Variants in NMNAT1 observed in about 807,000 individuals in gnomAD.
NMNAT1 encodes the protein nicotinamide nucleotide adenylyltransferase 1.
Under a neutral mutation model 16.7 loss-of-function variants are expected in NMNAT1, and 11 were observed. That is an observed-to-expected ratio of 0.66 (90% CI 0.41 to 1.09). The LOEUF is 1.09. NMNAT1 is among the 50% of genes least tolerant of loss of function. NMNAT1 has a pLI of 0.00. For missense variants in NMNAT1, 280 were observed against 332.3 expected, an observed-to-expected ratio of 0.84 and a Z score of 1.22; for synonymous variants, 110 against 119.8, an observed-to-expected ratio of 0.92 and a Z score of 0.53.
intron 1 of NMNAT1, among the ~76,000 whole-genome samples, chr1:9,965,751 C>G (rs1301888025): frequency 6.6e-6 from 1 of 151,738 alleles, no homozygotes; most frequent in Admixed American, 6.6e-5. Context: ...GCCTGTAATC[C>G]CTTTGAGAGG....
intron 1 of NMNAT1, among the ~76,000 whole-genome samples, 154 bp from the exon 2 acceptor site, chr1:9,971,864 A>G (rs1158800237): frequency 1.3e-5 from 2 of 151,970 alleles, no homozygotes; most frequent in Non-Finnish European, 2.9e-5. Flanking sequence ...CAGCTACTTG[A>G]GAGGCTGAGG....
intron 3 of NMNAT1, among the ~76,000 whole-genome samples, chr1:9,980,173 C>T (rs938347788): frequency 1.3e-5 from 2 of 151,858 alleles, no homozygotes; most frequent in Non-Finnish European, 2.9e-5. Flanking sequence ...CTCAGGTGAT[C>T]CACCCGCCTT....
In NMNAT1 at chr1:9,979,727, A is replaced by G. The variant is rs1261374720; in HGVS notation, c.300-1304A>G. Among the ~76,000 whole-genome samples the G allele has an allele frequency of 8.0e-5, 12 of 150,790 alleles. No homozygotes were observed. The South Asian group carries it at 1.7e-3, about 21-fold the overall frequency. ...TGAAGCAGGAGAATGGCGTGAACCT[A>G]GGAGACGGAGGTTGCAGTGAGCTGA... On this transcript the variant is annotated intron_variant, in intron 3 of 4. Coordinates refer to ENST00000377205, the MANE Select transcript of NMNAT1 (RefSeq NM_022787.4).
chr1:9,944,121 G>T (rs748388530), intron 1 of NMNAT1, among the ~76,000 whole-genome samples: 20 of 152,082 alleles, frequency 1.3e-4, no homozygotes, highest in Non-Finnish European at 2.5e-4. Flanking sequence ...GGGCGTGGTG[G>T]TGGGCGCCTG....
chr1:9,952,982 G>A (rs966173543), intron 1 of NMNAT1, among the ~76,000 whole-genome samples: 8 of 151,634 alleles, frequency 5.3e-5, no homozygotes, highest in African/African-American at 1.9e-4. Context: ...TAGATTGTAT[G>A]CATGTTTTTT....
At chr1:9,949,409 G>T (rs1328653444) in intron 1 of NMNAT1, among the ~76,000 whole-genome samples, 2 of 76,298 alleles carry the variant, frequency 2.6e-5, no homozygotes, top group Non-Finnish European at 7.3e-5. Context: ...ATCTTCCACT[G>T]CTTTTTTTTT....
At chr1:9,949,909 A>G (rs1570673998) in intron 1 of NMNAT1, 1 of 152,232 alleles carries the variant, frequency 6.6e-6, no homozygotes, top group Non-Finnish European at 1.5e-5. Context: ...CTCCCAGCTG[A>G]TGCCACTTAA....
chr1:9,992,151 C>T, the NMNAT1 span, among the ~76,000 whole-genome samples: 3 of 150,020 alleles, frequency 2.0e-5, no homozygotes, highest in Non-Finnish European at 4.4e-5. Context: ...GGTTCCATCA[C>T]GGCTGACTGC....
At position 9,981,065 on chromosome 1, in the gene NMNAT1, G is replaced by T; in HGVS notation, c.334G>T (p.Asp112Tyr). 1 of 1,612,548 alleles carries T rather than the reference G, an allele frequency of 6.2e-7. No homozygotes were observed. Among genetic ancestry groups the T allele is most frequent in the South Asian group, 1.1e-5 (1 of 90,766 alleles). The change falls in exon 4 of 5, where the codon GAT becomes TAT. Residue 112 changes from aspartate (D) to tyrosine (Y), a missense_variant. Transcript: ENST00000377205. ...HQEKLEASDC[D>Y]HQQNSPTLER... ...AGAGAAATTGGAGGCTAGTGACTGT[G>T]ATCACCAGCAGAACTCACCTACTCT... is the stretch of plus-strand genomic sequence containing the variant.
intron 1 of NMNAT1, chr1:9,955,716 C>T (rs1641242858): frequency 6.6e-6 from 1 of 152,034 alleles, no homozygotes; most frequent in Non-Finnish European, 1.5e-5. Context: ...CTATGAGTTC[C>T]TGAAGAGCAG....
At chr1:9,949,134 G>C (rs1641048071) in intron 1 of NMNAT1, among the ~76,000 whole-genome samples, 1 of 151,264 alleles carries the variant, frequency 6.6e-6, no homozygotes, top group South Asian at 2.1e-4. Context: ...GCCGGGCATG[G>C]TGGCAGGCAC....
chr1:9,975,506 A>G, intron 2 of NMNAT1, 86 bp from the exon 3 acceptor site: 2 of 1,174,700 alleles, frequency 1.7e-6, no homozygotes, highest in Non-Finnish European at 2.4e-6. Context: ...AAAAAACAAA[A>G]CAAAACAAAT....
rs755010846 is a variant in NMNAT1, at chr1:9,981,019, G to C, written c.300-12G>C. ...AGAAAGAGAAATATTCTATTGTTTTGTTGTTTTATAGACACCATCAAGAGA... is the reference window on the plus strand; with the variant it reads ...AGAAAGAGAAATATTCTATTGTTTTCTTGTTTTATAGACACCATCAAGAGA... On this transcript the variant is annotated splice_polypyrimidine_tract_variant and intron_variant, in intron 3 of 4. Coordinates refer to ENST00000377205, the MANE Select transcript of NMNAT1 (RefSeq NM_022787.4). The C allele has an allele frequency of 8.8e-6, 14 of 1,591,596 alleles. No individual in the cohort carries two copies. Among genetic ancestry groups the C allele is most frequent in the Non-Finnish European group, 1.2e-5 (14 of 1,174,126 alleles).
intron 1 of NMNAT1, among the ~76,000 whole-genome samples, chr1:9,959,878 C>T (rs1267268788): frequency 1.3e-5 from 2 of 152,094 alleles, no homozygotes; most frequent in African/African-American, 2.4e-5. Flanking sequence ...AAAGAATATG[C>T]AATTTCAAAA....
At chr1:9,990,976 C>A in the NMNAT1 span, among the ~76,000 whole-genome samples, 2 of 152,100 alleles carry the variant, frequency 1.3e-5, no homozygotes, top group Admixed American at 6.6e-5. Context: ...CAAGTGGAGT[C>A]TATGTCTACT....
At chr1:9,987,906 C>G (rs1642065069), downstream of NMNAT1, among the ~76,000 whole-genome samples, 1 of 152,116 alleles carries the variant, frequency 6.6e-6, no homozygotes, top group Admixed American at 6.6e-5. Context: ...TTTGTTGAGA[C>G]AATAGTATTC....
At chr1:9,979,781 G>A (rs1323007278) in intron 3 of NMNAT1, among the ~76,000 whole-genome samples, 2 of 145,824 alleles carry the variant, frequency 1.4e-5, no homozygotes, top group African/African-American at 5.1e-5. Flanking sequence ...CAGCCTGGGC[G>A]ACAGAGTGAG....
chr1:9,951,437 C>G (rs1240141255), intron 1 of NMNAT1: 1 of 151,878 alleles, frequency 6.6e-6, no homozygotes, highest in Non-Finnish European at 1.5e-5. Context: ...CTGTGCCAAA[C>G]CCAATCCAAC....
intron 1 of NMNAT1, among the ~76,000 whole-genome samples, chr1:9,966,606 T>C (rs913333301): frequency 1.5e-4 from 4 of 26,208 alleles, no homozygotes; most frequent in African/African-American, 3.2e-4. Context: ...GAGTGAGACT[T>C]AGTCTCAAAA....
Sources: gnomAD v4.1 joint callset for allele counts (sites outside exome capture counted in the v4.1 genomes callset) on GRCh38, gnomAD v4.1.1 for gene constraint, MANE v1.5 for transcripts, NCBI Gene and HGNC (gene_info 2026-07-23, HGNC 2026-07-21) for gene names.